TLE3: variants seen among roughly 807,000 people sequenced by gnomAD.
The protein encoded by TLE3 is TLE family member 3, transcriptional corepressor, also known as transducin-like enhancer protein 3.
TLE3 carries 14 observed loss-of-function variants against 93.0 expected under a neutral mutation model. That is an observed-to-expected ratio of 0.15 (90% CI 0.10 to 0.24). TLE3 has a LOEUF of 0.24. Among genes scored for constraint, TLE3 ranks in the 10% least tolerant of loss-of-function variants. The probability of loss-of-function intolerance (pLI) is 1.00; values close to 1 mark genes in which losing one functional copy is unlikely to be tolerated. For synonymous variants in TLE3, 451 were observed against 425.0 expected (o/e 1.06, Z -0.75); for missense variants, 693 against 1,046.6 (o/e 0.66, Z 4.66).
intron 19 of TLE3, chr15:70,051,062 C>T (rs1188418837): frequency 2.1e-5 from 4 of 190,680 alleles, no homozygotes; most frequent in African/African-American, 7.1e-5. Flanking sequence ...CAGCGCACCT[C>T]CCGCAGGTGC....
chr15:70,060,298 G>A (rs1045794210), intron 9 of TLE3, among the ~76,000 whole-genome samples: 4 of 152,126 alleles, frequency 2.6e-5, no homozygotes, highest in South Asian at 2.1e-4. Context: ...AGGCTAGGAC[G>A]ACCTCCCCAT....
At chr15:70,086,261 C>A (rs756807483) in intron 4 of TLE3, among the ~76,000 whole-genome samples, 3 of 152,186 alleles carry the variant, frequency 2.0e-5, no homozygotes, top group Non-Finnish European at 4.4e-5. Context: ...ACTGAACTGC[C>A]TTCCTCTTCT....
rs758168326 is a variant in TLE3, at chr15:70,058,411, C to T, written c.919-120G>A. ...AGCCAGACCCTTATGAAGCTTCTGC[C>T]GAACAGCCTCTCAATCCTTGCCCAA... On this transcript the variant is annotated intron_variant, in intron 11 of 19. Coordinates refer to ENST00000451782, the MANE Select transcript of TLE3 (RefSeq NM_001105192.3). The surrounding 1 kb of genome is among the most constrained non-coding windows in gnomAD (Gnocchi z 4.1). 210 of 1,469,678 alleles carry T rather than the reference C, an allele frequency of 1.4e-4. 1 individual carries two copies. Among genetic ancestry groups the T allele is most frequent in the Non-Finnish European group, 1.9e-4 (206 of 1,093,260 alleles). The allele number at this position is 1,469,678 out of a possible 1,614,324, so 91.0% of individuals were successfully genotyped here. A position where few individuals can be genotyped will look rare whatever the true frequency, so the allele number is the denominator to read the frequency against.
chr15:70,054,359 G>A (rs2055829730), intron 16 of TLE3, 79 bp downstream of exon 16: 1 of 1,549,702 alleles, frequency 6.5e-7, no homozygotes, highest in African/African-American at 1.4e-5. Context: ...CAGGGCCAAG[G>A]TCACAGCAAA....
At chr15:70,065,053 C>T (rs1216162298) in intron 7 of TLE3, among the ~76,000 whole-genome samples, 1 of 152,208 alleles carries the variant, frequency 6.6e-6, no homozygotes, top group African/African-American at 2.4e-5. Context: ...GTTCTCCTGT[C>T]TGCTATGGAG....
intron 6 of TLE3, among the ~76,000 whole-genome samples, chr15:70,073,422 C>T (rs1265377660): frequency 6.6e-6 from 1 of 152,146 alleles, no homozygotes; most frequent in Non-Finnish European, 1.5e-5. Flanking sequence ...TCAGTTCCAC[C>T]TTGAAATAGT....
At chr15:70,092,955 A>G (rs552395451) in intron 4 of TLE3, among the ~76,000 whole-genome samples, 9 of 151,876 alleles carry the variant, frequency 5.9e-5, no homozygotes, top group African/African-American at 2.2e-4. Context: ...CTATTTGAGA[A>G]AAAAAAAATT....
chr15:70,063,191 AG>A (rs773885270), intron 8 of TLE3, among the ~76,000 whole-genome samples: 9 of 152,106 alleles, frequency 5.9e-5, no homozygotes, highest in Non-Finnish European at 1.2e-4. Flanking sequence ...ACTGAGGCTC[AG>A]AGAGGCCAAG....
At chr15:70,093,135 G>A (rs1448143112) in intron 4 of TLE3, among the ~76,000 whole-genome samples, 1 of 152,122 alleles carries the variant, frequency 6.6e-6, no homozygotes, top group African/African-American at 2.4e-5. Context: ...TACGTATAAA[G>A]CCCTGTCTAT....
chr15:70,050,309 C>G, intron 19 of TLE3, 105 bp from the exon 20 acceptor site: 1 of 866,404 alleles, frequency 1.2e-6, no homozygotes, highest in Non-Finnish European at 1.9e-6. Context: ...GTTCTCTCGG[C>G]AACAATTGCC....
chr15:70,054,238 C>T, intron 16 of TLE3, 200 bp downstream of exon 16: 1 of 674,420 alleles, frequency 1.5e-6, no homozygotes, highest in Non-Finnish European at 2.4e-6. Flanking sequence ...TCTCCAACTC[C>T]TGGGCCCAAT....
At chr15:70,052,563 T>C in intron 17 of TLE3, 39 bp from the exon 18 acceptor site, 1 of 1,596,196 alleles carries the variant, frequency 6.3e-7, no homozygotes, top group Non-Finnish European at 8.5e-7. Context: ...GAGCTCAGCA[T>C]TCTCTGCCCT....
chr15:70,096,375 A>T, intron 1 of TLE3, 114 bp from the exon 2 acceptor site: 1 of 1,484,806 alleles, frequency 6.7e-7, no homozygotes, highest in South Asian at 1.3e-5. Flanking sequence ...CTCAGCCCAG[A>T]ACCTTCCCAG....
intron 4 of TLE3, chr15:70,079,439 G>T: frequency 4.4e-6 from 2 of 456,222 alleles, no homozygotes; most frequent in South Asian, 3.2e-5. Context: ...TTCTCCCAAC[G>T]TAAACCCAGC....
In TLE3 at chr15:70,058,252, G is replaced by A. The variant is rs1224562299; in HGVS notation, c.958C>T (p.Pro320Ser). ...SSTPGLKSNTPTPRNDAPTPG... is the reference protein window; with the variant it reads ...SSTPGLKSNTSTPRNDAPTPG... ...GTTGGGGCGTCGTTCCTTGGGGTTG[G>A]TGTGTTGGACTTGAGCCCAGGGGTG... The change falls in exon 12 of 20, where the codon CCA becomes TCA. Residue 320 changes from proline to serine, a missense_variant. This residue lies in a region of TLE3 where 405 missense variants were observed against 468.9 expected (regional missense o/e 0.86). Coordinates refer to ENST00000451782, the MANE Select transcript of TLE3 (RefSeq NM_001105192.3). The surrounding 1 kb of genome is among the most constrained non-coding windows in gnomAD (Gnocchi z 4.1). 3 of 1,613,372 alleles carry A rather than the reference G, an allele frequency of 1.9e-6. No homozygotes were observed. The highest frequency in any genetic ancestry group is 2.5e-6 in the Non-Finnish European group (3 of 1,179,630).
In TLE3 at chr15:70,058,640, C is replaced by A; in HGVS notation, c.918+23G>T. ...AGTCCCTGCCGCTCCCTTCCCACTC[C>A]CTTCCACCCAGACCCCACATACATG... On this transcript the variant is annotated intron_variant, in intron 11 of 19. Coordinates refer to ENST00000451782, the MANE Select transcript of TLE3 (RefSeq NM_001105192.3). This position sits in a 1 kb window ranked among gnomAD's most constrained non-coding sequence, Gnocchi z 4.1. 6.4e-7 allele frequency: 1 copy of A among 1,564,668 alleles called. No homozygotes were observed. Among genetic ancestry groups the A allele is most frequent in the Admixed American group, 1.9e-5 (1 of 52,914 alleles).
At chr15:70,067,866 GC>G (rs2056908364) in intron 6 of TLE3, among the ~76,000 whole-genome samples, 1 of 152,232 alleles carries the variant, frequency 6.6e-6, no homozygotes, top group Non-Finnish European at 1.5e-5. Context: ...GTTGTTCAAA[GC>G]TGTCAGAGCA....
chr15:70,096,610 CCT>C, intron 1 of TLE3, 163 bp downstream of exon 1: 2 of 1,541,064 alleles, frequency 1.3e-6, no homozygotes, highest in East Asian at 2.4e-5. Context: ...GAATTAACCT[CCT>C]CTCTCAACGG....
intron 7 of TLE3, 35 bp downstream of exon 7, chr15:70,065,979 G>GCCCCCCCCCCCCCCCAT: frequency 4.6e-6 from 5 of 1,089,094 alleles, no homozygotes; most frequent in Non-Finnish European, 7.0e-6. Context: ...GCCCACCCCT[G>GCCCCCCCCCCCCCCCAT]CCCCGCCCCA....
Sources: allele counts gnomAD v4.1 joint callset (sites outside exome capture counted in the v4.1 genomes callset), GRCh38; gene constraint gnomAD v4.1.1; regional missense constraint gnomAD v4.1.1; non-coding constraint Gnocchi (gnomAD v3.1); transcripts MANE v1.5; gene names NCBI Gene and HGNC (gene_info 2026-07-23, HGNC 2026-07-21).